FBXL13: variants seen among roughly 807,000 people sequenced by gnomAD.
FBXL13 encodes F-box and leucine-rich repeat protein 13.
FBXL13 carries 67 observed loss-of-function variants against 83.6 expected under a neutral mutation model. That is an observed-to-expected ratio of 0.80 (90% CI 0.66 to 0.98). The LOEUF is 0.98. Ranked by LOEUF, FBXL13 falls within the 50% of genes least tolerant of loss-of-function variation. The pLI is 0.00. For missense variants in FBXL13, 822 were observed against 866.5 expected (o/e 0.95, Z 0.64); for synonymous variants, 272 against 299.5 (o/e 0.91, Z 0.95).
At chr7:102,903,947 T>C (rs962839610) in intron 11 of FBXL13, among the ~76,000 whole-genome samples, 32 of 142,960 alleles carry the variant, frequency 2.2e-4, no homozygotes, top group Non-Finnish European at 3.7e-4. Context: ...TTCTTTTTTT[T>C]TTTTTTTTTT....
downstream of FBXL13, among the ~76,000 whole-genome samples, chr7:102,812,201 C>T (rs1443772623): frequency 6.6e-6 from 1 of 152,152 alleles, no homozygotes; most frequent in Non-Finnish European, 1.5e-5. Flanking sequence ...TACATAATAT[C>T]AAATAATGGT....
intron 6 of FBXL13, chr7:102,976,325 T>C (rs1482852763): frequency 3.2e-6 from 2 of 631,648 alleles, no homozygotes; most frequent in Non-Finnish European, 2.8e-6. Context: ...GTCTCTATTG[T>C]GGAAATTGAT....
chr7:102,934,552 TGAAGAA>T, intron 8 of FBXL13: 2 of 1,613,502 alleles, frequency 1.2e-6, no homozygotes, highest in African/African-American at 2.7e-5. Flanking sequence ...AGTTGTGTAA[TGAAGAA>T]GAAAAGGAAC....
intron 6 of FBXL13, among the ~76,000 whole-genome samples, chr7:103,020,864 C>A (rs191677254): frequency 9.2e-5 from 14 of 152,308 alleles, no homozygotes; most frequent in Admixed American, 7.9e-4. Flanking sequence ...CAATTCCATG[C>A]TCATGGATAG....
chr7:102,829,373 T>A (rs372372309), intron 18 of FBXL13, among the ~76,000 whole-genome samples: 1 of 152,222 alleles, frequency 6.6e-6, no homozygotes, highest in African/African-American at 2.4e-5. Flanking sequence ...CACCTACACT[T>A]GTAGGACAGA....
intron 17 of FBXL13, among the ~76,000 whole-genome samples, chr7:102,852,785 C>G (rs1805461061): frequency 6.6e-6 from 1 of 152,196 alleles, no homozygotes; most frequent in African/African-American, 2.4e-5. Context: ...TGTGGACACT[C>G]CTTAAAGAGC....
chr7:102,869,022 T>C (rs1189721678), intron 16 of FBXL13, among the ~76,000 whole-genome samples: 1 of 152,238 alleles, frequency 6.6e-6, no homozygotes, highest in East Asian at 1.9e-4. Context: ...GAACATATGA[T>C]AGTTCTATTA....
At chr7:102,973,548 T>C (rs373336858) in intron 6 of FBXL13, 1 of 764,858 alleles carries the variant, frequency 1.3e-6, no homozygotes, top group African/African-American at 1.7e-5. Flanking sequence ...AACAGCAGGT[T>C]GCTCCACACT....
At chr7:102,822,681 G>A (rs1008981324) in intron 18 of FBXL13, among the ~76,000 whole-genome samples, 2 of 152,192 alleles carry the variant, frequency 1.3e-5, no homozygotes, top group African/African-American at 2.4e-5. Flanking sequence ...CTTTCACCCA[G>A]CTTGTCACAT....
chr7:102,925,212 G>A (rs982059131), intron 10 of FBXL13, among the ~76,000 whole-genome samples: 1 of 152,008 alleles, frequency 6.6e-6, no homozygotes, highest in Non-Finnish European at 1.5e-5. Flanking sequence ...TGGGCAACAT[G>A]GTGAAACCCC....
chr7:102,827,752 C>A (rs12113233), intron 18 of FBXL13, among the ~76,000 whole-genome samples: 2 of 151,984 alleles, frequency 1.3e-5, no homozygotes, highest in Admixed American at 6.6e-5. Flanking sequence ...GTTCAATTCC[C>A]ACCTATGAGT....
intron 6 of FBXL13, among the ~76,000 whole-genome samples, chr7:103,009,035 A>C (rs1791297502): frequency 6.6e-6 from 1 of 152,278 alleles, no homozygotes; most frequent in South Asian, 2.1e-4. Flanking sequence ...GGTATTTAAA[A>C]TGCATATTTT....
In FBXL13 at chr7:102,947,418, C is replaced by T. The variant is rs1822713824; in HGVS notation, c.725-15485G>A. ...TATTTGGAAATAAAGCTCCTGAACA[C>T]ATCAAAACAGAAATTAATCCAGGCC... is the stretch of plus-strand genomic sequence containing the variant. On this transcript the variant is annotated intron_variant, in intron 8 of 19. Transcript: ENST00000313221. 2.0e-5 allele frequency among the ~76,000 whole-genome samples: 3 copies of T among 152,192 alleles called. No individual in the cohort carries two copies. The South Asian group carries it at 6.2e-4, about 31-fold the overall frequency.
At chr7:102,888,462 G>A (rs1811088762) in intron 11 of FBXL13, among the ~76,000 whole-genome samples, 1 of 152,234 alleles carries the variant, frequency 6.6e-6, no homozygotes. Context: ...TCGCCGGGAG[G>A]CGGAACTTGC....
rs188109677 is a variant in FBXL13, at chr7:102,822,342, A to C, written c.1855-139T>G. On this transcript the variant is annotated intron_variant, in intron 18 of 19. Coordinates refer to ENST00000313221, the Ensembl canonical transcript of FBXL13. ...TCAAACATTTATTTCTCACAGTTCT[A>C]GAGGCTGGGAAGTCCAAGACTGAGA... is the stretch of plus-strand genomic sequence containing the variant. 373 of 844,508 alleles carry C rather than the reference A, an allele frequency of 4.4e-4. 6 individuals carry two copies. The East Asian group carries it at 6.3e-3, about 14-fold the overall frequency. The allele number at this position is 844,508 out of a possible 1,614,324, so 52.3% of individuals were successfully genotyped here.
chr7:102,891,323 T>C (rs181625107), intron 11 of FBXL13, among the ~76,000 whole-genome samples: 2 of 152,338 alleles, frequency 1.3e-5, no homozygotes, highest in East Asian at 3.9e-4. Context: ...TAGTCCTCCC[T>C]GATCACCTCA....
At chr7:102,942,357 G>A (rs1821629947) in intron 8 of FBXL13, 1 of 1,546,484 alleles carries the variant, frequency 6.5e-7, no homozygotes, top group African/African-American at 1.4e-5. Context: ...GTATACAAAT[G>A]CAGTGGGAGT....
chr7:102,900,298 G>GCCTCC (rs1812801883), intron 11 of FBXL13, among the ~76,000 whole-genome samples: 1 of 152,118 alleles, frequency 6.6e-6, no homozygotes, highest in African/African-American at 2.4e-5. Context: ...GGACAGGGAG[G>GCCTCC]CTGTTTTATT....
chr7:102,952,942 C>T (rs1226326164), intron 8 of FBXL13, among the ~76,000 whole-genome samples: 2 of 152,080 alleles, frequency 1.3e-5, no homozygotes, highest in East Asian at 3.9e-4. Flanking sequence ...CAAGATTGCA[C>T]CACTGAACTC....
Sources: allele counts gnomAD v4.1 joint callset (sites outside exome capture counted in the v4.1 genomes callset), GRCh38; gene constraint gnomAD v4.1.1; transcripts MANE v1.5; gene names NCBI Gene and HGNC (gene_info 2026-07-23, HGNC 2026-07-21).